The following SLC1A2 variants were observed in gnomAD, a reference collection of about 807,000 sequenced individuals.
SLC1A2 encodes excitatory amino acid transporter 2.
SLC1A2 carries 15 observed loss-of-function variants against 48.8 expected under a neutral mutation model. That is an observed-to-expected ratio of 0.31 (90% CI 0.21 to 0.47). The LOEUF (loss-of-function observed/expected upper bound fraction) is 0.47. Ranked by LOEUF, SLC1A2 falls within the 20% of genes least tolerant of loss-of-function variation. SLC1A2 has a pLI of 0.99. For missense variants in SLC1A2, 502 were observed against 730.5 expected (o/e 0.69, Z 3.61); for synonymous variants, 279 against 272.6 (o/e 1.02, Z -0.23).
At chr11:35,383,914 C>T (rs1334140528) in intron 1 of SLC1A2, among the ~76,000 whole-genome samples, 1 of 152,154 alleles carries the variant, frequency 6.6e-6, no homozygotes, top group African/African-American at 2.4e-5. Context: ...CCCTCTAGAT[C>T]CCTTCCATGG....
intron 6 of SLC1A2, among the ~76,000 whole-genome samples, chr11:35,294,022 G>A (rs533947206): frequency 2.6e-5 from 4 of 152,186 alleles, no homozygotes; most frequent in African/African-American, 4.8e-5. Flanking sequence ...AACCCCTCTC[G>A]CATCTCTGTC....
chr11:35,265,747 C>G lies in SLC1A2; in HGVS notation c.1433G>C (p.Arg478Thr). The change falls in exon 10 of 11, where the codon AGA (arginine) becomes ACA (threonine). Residue 478 changes from arginine to threonine, a missense_variant. Arg to Thr is a moderately conservative substitution (Grantham distance 71). Transcript: ENST00000278379. ...VAVDWLLDRM[R>T]TSVNVVGDSF... ...GTCACCCACAACATTGACTGAAGTT[C>G]TCATCCTGTCCCTGGGGACAAAGAA... 1 of 1,609,404 alleles carries G rather than the reference C, an allele frequency of 6.2e-7. No individual in the cohort carries two copies. The highest frequency in any genetic ancestry group is 8.5e-7 in the Non-Finnish European group (1 of 1,175,948).
chr11:35,299,847 G>T (rs571648270), intron 6 of SLC1A2: 1 of 152,354 alleles, frequency 6.6e-6, no homozygotes, highest in South Asian at 2.1e-4. Flanking sequence ...TGGCAAAGAA[G>T]GTGGGTAGGC....
intron 1 of SLC1A2, among the ~76,000 whole-genome samples, chr11:35,417,049 T>C (rs1389087398): frequency 6.6e-6 from 1 of 152,222 alleles, no homozygotes; most frequent in Non-Finnish European, 1.5e-5. Flanking sequence ...TGTCACCTGC[T>C]CATCAGTTAC....
chr11:35,402,528 A>G (rs1164652235), intron 1 of SLC1A2, among the ~76,000 whole-genome samples: 1 of 152,146 alleles, frequency 6.6e-6, no homozygotes, highest in Non-Finnish European at 1.5e-5. Context: ...AAACTGGTAA[A>G]TATCAGTAAA....
At chr11:35,406,597 T>C (rs1186779700) in intron 1 of SLC1A2, among the ~76,000 whole-genome samples, 1 of 151,896 alleles carries the variant, frequency 6.6e-6, no homozygotes, top group African/African-American at 2.4e-5. Flanking sequence ...TCTGAGGAAC[T>C]GAGGTAGAAA....
At chr11:35,285,613 T>C (rs758228696) in intron 8 of SLC1A2, 1 of 152,184 alleles carries the variant, frequency 6.6e-6, no homozygotes. Flanking sequence ...AATTGTTGAG[T>C]CCAAGATTGA....
intron 5 of SLC1A2, among the ~76,000 whole-genome samples, chr11:35,305,231 G>T (rs1369994536): frequency 6.6e-6 from 1 of 152,126 alleles, no homozygotes; most frequent in Non-Finnish European, 1.5e-5. Context: ...TGTCCCTCAT[G>T]GAGGTATTTT....
chr11:35,277,790 A>G (rs1850489027), intron 9 of SLC1A2, among the ~76,000 whole-genome samples: 1 of 152,206 alleles, frequency 6.6e-6, no homozygotes, highest in South Asian at 2.1e-4. Context: ...GATGGACCCA[A>G]TTATCACACA....
rs559768080 is a variant in SLC1A2, at chr11:35,269,430, A to G, written c.1422-3672T>C. Among the ~76,000 whole-genome samples the G allele has an allele frequency of 2.2e-4, 33 of 152,314 alleles. No homozygotes were observed. The South Asian group carries it at 6.8e-3, about 32-fold the overall frequency. On this transcript the variant is annotated intron_variant, in intron 9 of 10. Coordinates refer to ENST00000278379, the MANE Select transcript of SLC1A2 (RefSeq NM_004171.4). ...GGAAGACAAATTCAGTTCCTAGCCT[A>G]TGGTTGACACTCATTATGTGCTGGG...
intron 1 of SLC1A2, among the ~76,000 whole-genome samples, chr11:35,324,406 C>T (rs1226687661): frequency 1.3e-5 from 2 of 152,182 alleles, no homozygotes; most frequent in Non-Finnish European, 2.9e-5. Context: ...TGAGACAAGA[C>T]ATTTAGTCAT....
chr11:35,400,641 A>G (rs1855105442), intron 1 of SLC1A2, among the ~76,000 whole-genome samples: 1 of 152,190 alleles, frequency 6.6e-6, no homozygotes, highest in South Asian at 2.1e-4. Context: ...AGCCACATAT[A>G]TTATAGGTAT....
chr11:35,258,516 C>T lies in SLC1A2; in HGVS notation c.*2378G>A, dbSNP rs1950345089. On this transcript the variant is annotated 3_prime_UTR_variant, in exon 11 of 11. Coordinates refer to ENST00000278379, the MANE Select transcript of SLC1A2 (RefSeq NM_004171.4). ...CTTCCATAGCAAAAAACAACAAGCT[C>T]CTAGACGCTTTGCCTATAGCCTCCA... 1 of 152,688 alleles carries T rather than the reference C, an allele frequency of 6.5e-6. No individual in the cohort carries two copies. Among genetic ancestry groups the T allele is most frequent in the African/African-American group, 2.4e-5 (1 of 41,460 alleles). The allele number at this position is 152,688 out of a possible 1,614,324, so 9.5% of individuals were successfully genotyped here. A position where few individuals can be genotyped will look rare whatever the true frequency, so the allele number is the denominator to read the frequency against.
chr11:35,347,263 T>C (rs1754505627), intron 1 of SLC1A2, among the ~76,000 whole-genome samples: 1 of 152,204 alleles, frequency 6.6e-6, no homozygotes, highest in Admixed American at 6.5e-5. Context: ...TGGTCAGGGC[T>C]TCTGCAATAG....
chr11:35,325,062 G>T (rs191565062), intron 1 of SLC1A2, among the ~76,000 whole-genome samples: 52 of 152,300 alleles, frequency 3.4e-4, no homozygotes, highest in African/African-American at 1.2e-3. Flanking sequence ...GGAACAAGAC[G>T]AAAATACATT....
intron 7 of SLC1A2, among the ~76,000 whole-genome samples, chr11:35,290,715 GTT>G (rs770386027): frequency 5.6e-5 from 5 of 89,090 alleles, no homozygotes; most frequent in African/African-American, 1.6e-4. Context: ...ACCAGGTTGG[GTT>G]TTTTTTTTTT....
rs1950341816 is a variant in SLC1A2, at chr11:35,258,310, A to G, written c.*2584T>C. The G allele has an allele frequency of 6.6e-6, 1 of 152,348 alleles. No individual in the cohort carries two copies. Among genetic ancestry groups the G allele is most frequent in the African/African-American group, 2.4e-5 (1 of 41,582 alleles). The allele number at this position is 152,348 out of a possible 1,614,324, so 9.4% of individuals were successfully genotyped here. On this transcript the variant is annotated 3_prime_UTR_variant, in exon 11 of 11. Transcript: ENST00000278379. ...AGACCAGAAAAAACTTGCTTTGTGA[A>G]GTTGTACACCTTGTTTCTTCCAAAC...
At chr11:35,388,999 T>C (rs1854673089) in intron 1 of SLC1A2, among the ~76,000 whole-genome samples, 1 of 152,328 alleles carries the variant, frequency 6.6e-6, no homozygotes, top group South Asian at 2.1e-4. Flanking sequence ...ATGTTCACTA[T>C]TTGGGTAACG....
At chr11:35,333,725 G>C (rs1201928048) in intron 1 of SLC1A2, among the ~76,000 whole-genome samples, 1 of 151,666 alleles carries the variant, frequency 6.6e-6, no homozygotes, top group South Asian at 2.1e-4. Context: ...GCAGAGGCAC[G>C]ATCTCAGCTC....
Sources: allele counts gnomAD v4.1 joint callset (sites outside exome capture counted in the v4.1 genomes callset), GRCh38; gene constraint gnomAD v4.1.1; transcripts MANE v1.5; gene names NCBI Gene and HGNC (gene_info 2026-07-23, HGNC 2026-07-21).